Variants in CADM2 observed in about 807,000 individuals in gnomAD.
CADM2 encodes the protein cell adhesion molecule 2, also known as immunoglobulin superfamily member 4D.
Under a neutral mutation model 49.8 loss-of-function variants are expected in CADM2, and 12 were observed. The ratio of observed to expected loss-of-function variants is 0.24; its 90% CI spans 0.15 to 0.39. The LOEUF is 0.39. CADM2 is among the 10% of genes least tolerant of loss of function. The pLI is 1.00. For synonymous variants in CADM2, 214 were observed against 175.4 expected, an observed-to-expected ratio of 1.22 and a Z score of -1.74; for missense variants, 378 against 492.3, an observed-to-expected ratio of 0.77 and a Z score of 2.20.
At chr3:85,087,455 A>G (rs889758422) in intron 1 of CADM2, among the ~76,000 whole-genome samples, 12 of 152,312 alleles carry the variant, frequency 7.9e-5, no homozygotes, top group Admixed American at 6.5e-4. Flanking sequence ...TGAGCTTTAT[A>G]CATTTTACTT....
chr3:85,289,239 C>A (rs767439541), intron 1 of CADM2, among the ~76,000 whole-genome samples: 13 of 152,148 alleles, frequency 8.5e-5, no homozygotes, highest in Non-Finnish European at 1.9e-4. Context: ...AACATTCTGT[C>A]TCCACATTAC....
At chr3:85,298,106 A>C (rs1559766547) in intron 1 of CADM2, among the ~76,000 whole-genome samples, 1 of 152,026 alleles carries the variant, frequency 6.6e-6, no homozygotes. Flanking sequence ...TTTGCTGTGG[A>C]TATATTTCCT....
chr3:85,096,166 G>T (rs375693587), intron 1 of CADM2, among the ~76,000 whole-genome samples: 1 of 151,954 alleles, frequency 6.6e-6, no homozygotes. Flanking sequence ...ATAAGTTTAG[G>T]TTCAAAGTTA....
intron 1 of CADM2, among the ~76,000 whole-genome samples, chr3:85,193,744 C>T (rs577022704): frequency 2.0e-5 from 3 of 152,090 alleles, no homozygotes; most frequent in Non-Finnish European, 4.4e-5. Flanking sequence ...TGGGCCCTAG[C>T]TTACAAAATG....
chr3:86,031,273 C>G (rs945239668), intron 8 of CADM2, among the ~76,000 whole-genome samples: 4 of 151,728 alleles, frequency 2.6e-5, no homozygotes, highest in Admixed American at 2.6e-4. Flanking sequence ...AGGGTCATAT[C>G]TTGATATCAG....
At chr3:85,332,374 G>C (rs1286194910) in intron 1 of CADM2, among the ~76,000 whole-genome samples, 1 of 151,892 alleles carries the variant, frequency 6.6e-6, no homozygotes, top group African/African-American at 2.4e-5. Flanking sequence ...ATGCATTAGA[G>C]GAATATATTA....
chr3:85,013,202 A>G (rs1356230326), intron 1 of CADM2, among the ~76,000 whole-genome samples: 1 of 151,570 alleles, frequency 6.6e-6, no homozygotes, highest in Non-Finnish European at 1.5e-5. Context: ...TTTAGCCTGT[A>G]GCAAATCCAA....
intron 1 of CADM2, among the ~76,000 whole-genome samples, chr3:85,241,248 A>G (rs1170535528): frequency 3.3e-5 from 5 of 151,504 alleles, no homozygotes; most frequent in African/African-American, 1.2e-4. Context: ...AGTGCTTGAA[A>G]AATAAGAGAA....
At chr3:85,033,623 A>G (rs17022320) in intron 1 of CADM2, among the ~76,000 whole-genome samples, 3,880 of 152,280 alleles carry the variant, frequency 0.025, 157 homozygotes, top group African/African-American at 0.088. Flanking sequence ...ATAGGGAAGA[A>G]ATGATCTAGA....
chr3:85,303,662 T>G (rs1279891960), intron 1 of CADM2, among the ~76,000 whole-genome samples: 2 of 151,962 alleles, frequency 1.3e-5, no homozygotes, highest in African/African-American at 2.4e-5. Context: ...ACATTTGACT[T>G]TCTCTTGGTA....
At chr3:85,427,069 C>G (rs6807456) in intron 1 of CADM2, among the ~76,000 whole-genome samples, 37,189 of 149,184 alleles carry the variant, frequency 0.25, 4,808 homozygotes, top group South Asian at 0.34. Flanking sequence ...ATTTGTATAT[C>G]TAAATTATAT....
chr3:86,006,389 T>C (rs933596216), intron 8 of CADM2, among the ~76,000 whole-genome samples: 1 of 152,174 alleles, frequency 6.6e-6, no homozygotes, highest in Non-Finnish European at 1.5e-5. Context: ...ACATATGTCT[T>C]GGTATTACAT....
rs1299518424 is a variant in CADM2, at chr3:85,601,168, AT to A, written c.62-125353del. Among the ~76,000 whole-genome samples the A allele has an allele frequency of 1.9e-4, 22 of 116,808 alleles. 1 individual carries two copies. Among genetic ancestry groups the A allele is most frequent in the African/African-American group, 8.8e-4 (22 of 25,116 alleles). 76.6% of individuals were successfully genotyped at this position (116,808 alleles called of 152,430 possible). The stretch of plus-strand genomic sequence containing the variant: ...TATATATATATATATATATATATAT[AT>A]ATATACACACACACACACACATACA... On this transcript the variant is annotated intron_variant, in intron 1 of 9. Coordinates refer to ENST00000383699, the MANE Select transcript of CADM2 (RefSeq NM_001167675.2).
In CADM2 at chr3:85,179,755, T is replaced by C. The variant is rs1576054580; in HGVS notation, c.61+220087T>C. Among the ~76,000 whole-genome samples, 4 of 152,252 alleles carry C rather than the reference T, an allele frequency of 2.6e-5. No individual in the cohort carries two copies. In the South Asian group the frequency reaches 8.3e-4, roughly 32 times the overall value. ...TGGTAGAATAACTATGTATAACACA[T>C]CTGAAACACAACTAAATTTAGTTTA... On this transcript the variant is annotated intron_variant, in intron 1 of 9. Coordinates refer to ENST00000383699, the MANE Select transcript of CADM2 (RefSeq NM_001167675.2).
At chr3:86,065,368 T>C (rs897495305) in intron 8 of CADM2, among the ~76,000 whole-genome samples, 2 of 152,242 alleles carry the variant, frequency 1.3e-5, no homozygotes, top group African/African-American at 2.4e-5. Context: ...TATATTTGCT[T>C]ATCCAATCTT....
chr3:85,858,115 C>A (rs1358360736), intron 3 of CADM2, among the ~76,000 whole-genome samples: 1 of 152,154 alleles, frequency 6.6e-6, no homozygotes, highest in Non-Finnish European at 1.5e-5. Flanking sequence ...TAGTATGAAG[C>A]CTCACACAAT....
At chr3:86,013,966 G>C in intron 8 of CADM2, 1 of 1,531,984 alleles carries the variant, frequency 6.5e-7, no homozygotes, top group East Asian at 2.3e-5. Flanking sequence ...CCTGTTATGG[G>C]AGTATCTGTT....
chr3:85,710,785 A>G (rs1004210253), intron 1 of CADM2, among the ~76,000 whole-genome samples: 6 of 152,168 alleles, frequency 3.9e-5, no homozygotes, highest in Admixed American at 3.3e-4. Flanking sequence ...TTTAAAATTA[A>G]TGAACAGTTG....
At chr3:85,135,222 T>G (rs1167096699) in intron 1 of CADM2, among the ~76,000 whole-genome samples, 1 of 151,998 alleles carries the variant, frequency 6.6e-6, no homozygotes, top group Non-Finnish European at 1.5e-5. Context: ...ATAGTCATAT[T>G]TTAAATATAT....
Sources: gnomAD v4.1 joint callset for allele counts (sites outside exome capture counted in the v4.1 genomes callset) on GRCh38, gnomAD v4.1.1 for gene constraint, MANE v1.5 for transcripts, NCBI Gene and HGNC (gene_info 2026-07-23, HGNC 2026-07-21) for gene names.